The following RABGEF1 variants were observed in gnomAD, a reference collection of about 807,000 sequenced individuals.
RABGEF1 encodes the protein rab5 GDP/GTP exchange factor.
Under a neutral mutation model 57.3 loss-of-function variants are expected in RABGEF1, and 26 were observed. The ratio of observed to expected loss-of-function variants is 0.45; its 90% confidence interval spans 0.33 to 0.63. RABGEF1 has a LOEUF of 0.63. Among genes scored for constraint, RABGEF1 ranks in the 20% least tolerant of loss-of-function variants. The pLI is 0.02. For missense variants in RABGEF1, 464 were observed against 607.6 expected (o/e 0.76, Z 2.48); for synonymous variants, 185 against 210.7 (o/e 0.88, Z 1.06).
intron 2 of RABGEF1, among the ~76,000 whole-genome samples, chr7:66,718,543 T>A (rs1390558089): frequency 2.7e-5 from 4 of 150,346 alleles, no homozygotes; most frequent in Non-Finnish European, 4.4e-5. Context: ...CGTGGTTAAA[T>A]TCTATGGAGA....
intron 1 of RABGEF1, among the ~76,000 whole-genome samples, chr7:66,686,499 C>G (rs180823866): frequency 6.6e-6 from 1 of 151,926 alleles, no homozygotes; most frequent in Non-Finnish European, 1.5e-5. Context: ...TAGTACAGGC[C>G]GAACATTTTG....
chr7:66,779,205 A>G (rs1239402602), intron 3 of RABGEF1, among the ~76,000 whole-genome samples: 1 of 152,154 alleles, frequency 6.6e-6, no homozygotes, highest in Non-Finnish European at 1.5e-5. Flanking sequence ...GTGTTAATTT[A>G]GTAAAATAGA....
At chr7:66,769,864 A>G (rs1188128204) in intron 1 of RABGEF1, among the ~76,000 whole-genome samples, 1 of 152,110 alleles carries the variant, frequency 6.6e-6, no homozygotes. Flanking sequence ...GTGCTACATC[A>G]TTCATATTTT....
At chr7:66,741,060 CGCCA>C (rs1314544804) in intron 1 of RABGEF1, among the ~76,000 whole-genome samples, 1 of 152,184 alleles carries the variant, frequency 6.6e-6, no homozygotes, top group Non-Finnish European at 1.5e-5. Context: ...GGATCTCCAG[CGCCA>C]GCCGAGCCCC....
intron 7 of RABGEF1, among the ~76,000 whole-genome samples, chr7:66,803,764 C>T (rs917390958): frequency 6.6e-6 from 1 of 151,932 alleles, no homozygotes; most frequent in Non-Finnish European, 1.5e-5. Context: ...TGGTGCGTGC[C>T]TGTAGTCCCA....
intron 8 of RABGEF1, 51 bp from the exon 9 acceptor site, chr7:66,808,835 G>A (rs771050809): frequency 2.1e-5 from 31 of 1,445,244 alleles, no homozygotes; most frequent in Non-Finnish European, 2.7e-5. Flanking sequence ...AAATCGACTC[G>A]AGTATGCATA....
intron 3 of RABGEF1, among the ~76,000 whole-genome samples, chr7:66,783,298 GTTATTC>G (rs1206183635): frequency 6.6e-6 from 1 of 152,178 alleles, no homozygotes; most frequent in Non-Finnish European, 1.5e-5. Flanking sequence ...TCTATTGATT[GTTATTC>G]TATTTGTTGA....
At chr7:66,707,607 G>C (rs1287763494) in intron 1 of RABGEF1, among the ~76,000 whole-genome samples, 1 of 152,192 alleles carries the variant, frequency 6.6e-6, no homozygotes, top group African/African-American at 2.4e-5. Flanking sequence ...AAAATTGCTT[G>C]AACCTGGGAG....
chr7:66,711,278 T>G (rs1247290168), intron 1 of RABGEF1, among the ~76,000 whole-genome samples: 1 of 152,238 alleles, frequency 6.6e-6, no homozygotes, highest in African/African-American at 2.4e-5. Context: ...ATTGTGGTTT[T>G]GATGTTGTAT....
rs1452522234 is a variant in RABGEF1 at position 66,809,739 on chromosome 7, A to G, written c.*455A>G. ...TAAATATGTAAAATTGTAAATATGTAAAAAAAAGAATGGTGTCTGCTGTGC... is the reference window on the plus strand; with the variant it reads ...TAAATATGTAAAATTGTAAATATGTGAAAAAAAGAATGGTGTCTGCTGTGC... On this transcript the variant is annotated 3_prime_UTR_variant, in exon 9 of 9. Transcript: ENST00000284957. 1 of 153,012 alleles carries G rather than the reference A, an allele frequency of 6.5e-6. No individual in the cohort carries two copies. The allele number at this position is 153,012 out of a possible 1,614,324, so 9.5% of individuals were successfully genotyped here. A position where few individuals can be genotyped will look rare whatever the true frequency, so the allele number is the denominator to read the frequency against.
intron 2 of RABGEF1, chr7:66,773,563 T>C (rs1428210701): frequency 4.8e-6 from 2 of 413,810 alleles, no homozygotes; most frequent in East Asian, 1.4e-4. Flanking sequence ...GGAGTAAGAC[T>C]AGAGAATTTG....
chr7:66,786,373 G>A (rs1393976963), intron 4 of RABGEF1, among the ~76,000 whole-genome samples: 2 of 152,110 alleles, frequency 1.3e-5, no homozygotes, highest in African/African-American at 4.8e-5. Flanking sequence ...GCTTTACTAT[G>A]CAACACACTT....
intron 2 of RABGEF1, among the ~76,000 whole-genome samples, chr7:66,735,398 A>G (rs1321387961): frequency 1.3e-5 from 2 of 152,234 alleles, no homozygotes; most frequent in African/African-American, 4.8e-5. Flanking sequence ...TTGAAGTCAA[A>G]CTGGCAGAGA....
intron 2 of RABGEF1, among the ~76,000 whole-genome samples, chr7:66,734,441 G>A (rs1266682855): frequency 6.6e-6 from 1 of 152,108 alleles, no homozygotes; most frequent in Non-Finnish European, 1.5e-5. Context: ...TGCCAGGGTA[G>A]TGTAAGCAAT....
intron 1 of RABGEF1, among the ~76,000 whole-genome samples, chr7:66,695,162 A>G (rs1195478308): frequency 6.6e-6 from 1 of 152,212 alleles, no homozygotes; most frequent in Non-Finnish European, 1.5e-5. Context: ...AAAGACAAAG[A>G]TAAGCCGGGC....
the RABGEF1 span, among the ~76,000 whole-genome samples, chr7:66,670,795 G>A: frequency 1.3e-5 from 2 of 151,934 alleles, no homozygotes; most frequent in Non-Finnish European, 1.5e-5. Context: ...GCAGTGAGCC[G>A]AGATGGCGCC....
chr7:66,778,211 T>C (rs1808995461), intron 3 of RABGEF1, among the ~76,000 whole-genome samples: 2 of 152,250 alleles, frequency 1.3e-5, no homozygotes, highest in Non-Finnish European at 2.9e-5. Context: ...ATGATACCCT[T>C]GCTGTTGGTG....
chr7:66,802,598 A>G (rs1404043025), intron 7 of RABGEF1, among the ~76,000 whole-genome samples: 4 of 152,194 alleles, frequency 2.6e-5, no homozygotes, highest in African/African-American at 7.2e-5. Flanking sequence ...CATGTCTCCT[A>G]GTTGAGACTT....
At chr7:66,744,019 CT>C (rs1399620232) in intron 1 of RABGEF1, among the ~76,000 whole-genome samples, 2 of 146,586 alleles carry the variant, frequency 1.4e-5, no homozygotes, top group Non-Finnish European at 3.0e-5. Context: ...TGATTATTTG[CT>C]TTTTTCTTTT....
Sources: allele counts gnomAD v4.1 joint callset (sites outside exome capture counted in the v4.1 genomes callset), GRCh38; gene constraint gnomAD v4.1.1; transcripts MANE v1.5; gene names NCBI Gene and HGNC (gene_info 2026-07-23, HGNC 2026-07-21).